Variants in XYLT1 observed in about 807,000 individuals in gnomAD.
The protein encoded by XYLT1 is beta-D-xylosyltransferase 1.
A neutral mutation model predicts 91.3 loss-of-function variants in XYLT1; 36 were observed. The observed-to-expected ratio is 0.39, with a 90% CI of 0.30 to 0.52. The LOEUF (loss-of-function observed/expected upper bound fraction) is 0.52, where lower values mean the gene tolerates loss of function less well. Ranked by LOEUF, XYLT1 falls within the 20% of genes least tolerant of loss-of-function variation. The pLI is 0.68. For missense variants in XYLT1, 1,242 were observed against 1,284.5 expected (o/e 0.97, Z 0.51); for synonymous variants, 588 against 532.0 (o/e 1.11, Z -1.45).
At chr16:17,212,046 C>G (rs1057229914) in intron 3 of XYLT1, among the ~76,000 whole-genome samples, 2 of 152,150 alleles carry the variant, frequency 1.3e-5, no homozygotes, top group African/African-American at 4.8e-5. Flanking sequence ...AAAATTTGCT[C>G]CCAGTTGAGA....
chr16:17,267,527 C>T (rs901257694), intron 2 of XYLT1, among the ~76,000 whole-genome samples: 1 of 152,212 alleles, frequency 6.6e-6, no homozygotes, highest in Non-Finnish European at 1.5e-5. Flanking sequence ...CTGCCTCAGC[C>T]TCCCGAGTAG....
In XYLT1 at chr16:17,412,751, G is replaced by C. The variant is rs756432491; in HGVS notation, c.364-54701C>G. 2.4e-4 allele frequency among the ~76,000 whole-genome samples: 37 copies of C among 152,166 alleles called. 1 individual carries two copies. Among genetic ancestry groups the C allele is most frequent in the Admixed American group, 5.9e-4 (9 of 15,274 alleles). On this transcript the variant is annotated intron_variant, in intron 1 of 11. Transcript: ENST00000261381. ...AGCCCAACTGACTGAGTCCCAAGGA[G>C]ACCTAACAGAGATTTACTTTCCCAA...
intron 1 of XYLT1, among the ~76,000 whole-genome samples, chr16:17,377,175 T>TCACACACACACACACACACACCCACACC (rs376242678): frequency 6.6e-6 from 1 of 150,830 alleles, no homozygotes; most frequent in Non-Finnish European, 1.5e-5. Context: ...AGACTCTGCC[T>TCACACACACACACACACACACCCACACC]CACACACACA....
At chr16:17,155,289 T>C (rs1278675680) in intron 6 of XYLT1, among the ~76,000 whole-genome samples, 1 of 152,172 alleles carries the variant, frequency 6.6e-6, no homozygotes, top group Non-Finnish European at 1.5e-5. Context: ...ATATTGCCAA[T>C]AATCCCCACC....
chr16:17,444,039 C>T (rs751260501), intron 1 of XYLT1, among the ~76,000 whole-genome samples: 3 of 152,200 alleles, frequency 2.0e-5, no homozygotes, highest in Admixed American at 6.5e-5. Context: ...CGTTCATCAA[C>T]TCTTTGAATC....
intron 1 of XYLT1, among the ~76,000 whole-genome samples, chr16:17,359,061 G>A (rs909043305): frequency 1.3e-5 from 2 of 152,190 alleles, no homozygotes; most frequent in Non-Finnish European, 2.9e-5. Context: ...GATGGGAGGA[G>A]TTGGTGGTGT....
chr16:17,360,573 G>C (rs572861533), intron 1 of XYLT1, among the ~76,000 whole-genome samples: 30 of 152,260 alleles, frequency 2.0e-4, no homozygotes, highest in African/African-American at 7.0e-4. Context: ...TTAATACTTG[G>C]GTTTCACTTG....
chr16:17,103,598 C>CTTTTG lies in XYLT1; in HGVS notation c.*5092_*5096dup, dbSNP rs1246330494. Reference sequence around the variant, plus strand: ...CATTTCAAAAAGGAGAAACCTAAGGCTTTTGTTTTGTTTTGTTTTGTTTTT... The same window carrying CTTTTG: ...CATTTCAAAAAGGAGAAACCTAAGGCTTTTGTTTTGTTTTGTTTTGTTTTGTTTTT... On this transcript the variant is annotated 3_prime_UTR_variant, in exon 12 of 12. Coordinates refer to ENST00000261381, the MANE Select transcript of XYLT1 (RefSeq NM_022166.4). The CTTTTG allele has an allele frequency of 2.0e-5, 3 of 152,162 alleles. No homozygotes were observed. Among genetic ancestry groups the CTTTTG allele is most frequent in the East Asian group, 3.9e-4 (2 of 5,160 alleles). 9.4% of individuals were successfully genotyped at this position (152,162 alleles called of 1,614,324 possible).
chr16:17,191,362 A>G (rs916175344), intron 5 of XYLT1, among the ~76,000 whole-genome samples: 1 of 152,228 alleles, frequency 6.6e-6, no homozygotes, highest in Non-Finnish European at 1.5e-5. Context: ...GTGACTGTAC[A>G]TGGATGCTTG....
At chr16:17,321,742 T>C (rs988945545) in intron 2 of XYLT1, among the ~76,000 whole-genome samples, 3 of 152,128 alleles carry the variant, frequency 2.0e-5, no homozygotes, top group African/African-American at 7.2e-5. Context: ...TCCATAGACA[T>C]TGTGGTTCCA....
chr16:17,239,697 CCCAT>C (rs748700677), intron 3 of XYLT1, among the ~76,000 whole-genome samples: 6 of 150,608 alleles, frequency 4.0e-5, no homozygotes, highest in Non-Finnish European at 8.9e-5. Flanking sequence ...CATCCATCCA[CCCAT>C]CCATCCATCC....
At chr16:17,256,135 T>TG (rs1208089909) in intron 3 of XYLT1, among the ~76,000 whole-genome samples, 6 of 152,110 alleles carry the variant, frequency 3.9e-5, no homozygotes, top group African/African-American at 1.2e-4. Context: ...TCCCTGCAGA[T>TG]GGGGGGGCCA....
At chr16:17,160,510 T>C (rs2031522658) in intron 5 of XYLT1, among the ~76,000 whole-genome samples, 1 of 152,248 alleles carries the variant, frequency 6.6e-6, no homozygotes. Flanking sequence ...AAATGAGCGC[T>C]GCTCGTGTCC....
chr16:17,193,626 A>C (rs372167575), intron 5 of XYLT1: 1 of 152,250 alleles, frequency 6.6e-6, no homozygotes, highest in South Asian at 2.1e-4. Context: ...GTATCCCCCA[A>C]GTTTTCAGTG....
rs138596043 is a variant in XYLT1 at position 17,310,449 on chromosome 16, C to T, written c.402+47563G>A. The stretch of plus-strand genomic sequence containing the variant: ...ACTCAGTGACTGGCATCTGTCCCCA[C>T]CAGATAGTGATGTGGCCTGAGAGCA... On this transcript the variant is annotated intron_variant, in intron 2 of 11. Transcript: ENST00000261381. Among the ~76,000 whole-genome samples, 127 of 152,310 alleles carry T rather than the reference C, an allele frequency of 8.3e-4. 1 individual carries two copies. The highest frequency in any genetic ancestry group is 2.9e-3 in the African/African-American group (122 of 41,566).
intron 7 of XYLT1, among the ~76,000 whole-genome samples, chr16:17,140,299 G>A (rs905038550): frequency 6.6e-6 from 1 of 152,162 alleles, no homozygotes; most frequent in African/African-American, 2.4e-5. Flanking sequence ...TGTTCAACAT[G>A]AGAAAAGGCA....
At chr16:17,348,653 C>T (rs944869597) in intron 2 of XYLT1, among the ~76,000 whole-genome samples, 40 of 152,178 alleles carry the variant, frequency 2.6e-4, no homozygotes, top group African/African-American at 9.4e-4. Flanking sequence ...AATCACCCCT[C>T]CAGCTCTCAC....
At chr16:17,124,548 G>A (rs1393533523) in intron 10 of XYLT1, among the ~76,000 whole-genome samples, 1 of 152,096 alleles carries the variant, frequency 6.6e-6, no homozygotes, top group East Asian at 1.9e-4. Flanking sequence ...TATTTCCTTT[G>A]TCTTGACTTT....
At chr16:17,269,468 C>T (rs975211359) in intron 2 of XYLT1, among the ~76,000 whole-genome samples, 5 of 152,190 alleles carry the variant, frequency 3.3e-5, no homozygotes, top group Admixed American at 6.5e-5. Flanking sequence ...TGAGCTACCA[C>T]GCCTGGCCTG....
Sources: allele counts gnomAD v4.1 joint callset (sites outside exome capture counted in the v4.1 genomes callset), GRCh38; gene constraint gnomAD v4.1.1; transcripts MANE v1.5; gene names NCBI Gene and HGNC (gene_info 2026-07-23, HGNC 2026-07-21).